CRB2: variants seen among roughly 807,000 people sequenced by gnomAD.
CRB2 encodes the protein crumbs cell polarity complex component 2.
CRB2 carries 85 observed loss-of-function variants against 110.9 expected under a neutral mutation model. That is an observed-to-expected ratio of 0.77 (90% CI 0.64 to 0.92). CRB2 has a LOEUF of 0.92. CRB2 is among the 40% of genes least tolerant of loss of function. The pLI is 0.00. For missense variants in CRB2, 1,843 were observed against 1,851.3 expected (o/e 1.00, Z 0.08); for synonymous variants, 907 against 831.0 (o/e 1.09, Z -1.57).
rs778777169 is a variant in CRB2 at position 123,367,617 on chromosome 9, T to C, written c.985T>C (p.Cys329Arg). 3.2e-6 allele frequency: 5 copies of C among 1,569,634 alleles called. No homozygotes were observed. The highest frequency in any genetic ancestry group is 1.2e-5 in the South Asian group (1 of 85,122). The change falls in exon 6 of 13, where the codon TGC becomes CGC. Residue 329 changes from cysteine to arginine, a missense_variant. Cys to Arg is a radical substitution (Grantham distance 180). Transcript: ENST00000373631. ...VEVDECASRP[C>R]LNGGHCQDLP... ...GGTGGACGAGTGTGCCTCACGGCCATGCCTCAACGGAGGCCACTGCCAGGA... is the reference window on the plus strand; with the variant it reads ...GGTGGACGAGTGTGCCTCACGGCCACGCCTCAACGGAGGCCACTGCCAGGA...
intron 1 of CRB2, among the ~76,000 whole-genome samples, chr9:123,357,684 C>T (rs953443437): frequency 6.6e-5 from 10 of 152,086 alleles, no homozygotes; most frequent in Admixed American, 1.3e-4. Flanking sequence ...CGTGAGATCC[C>T]GGTCTGTGGA....
upstream of CRB2, among the ~76,000 whole-genome samples, chr9:123,355,199 A>G (rs929419243): frequency 5.9e-5 from 9 of 152,304 alleles, 1 homozygote; most frequent in Admixed American, 3.3e-4. Context: ...GGCTTCCTGA[A>G]CCAGGTCCCC....
In CRB2 at chr9:123,374,626, A is replaced by G. The variant is rs906020773; in HGVS notation, c.3437A>G (p.Asp1146Gly). ...TGCAGCCTGAATGTCACCTGCCTCG[A>G]TGGCAGCCCATGTGAGGGTGGCTCT... The part of the protein sequence containing the change: ...KECSLNVTCL[D>G]GSPCEGGSPA... Residue 1146 changes from aspartate to glycine, a missense_variant, in exon 11 of 13, where the codon GAT (aspartate) becomes GGT (glycine). By Grantham distance (94) the Asp-to-Gly change is moderately conservative (BLOSUM62 -1). Coordinates refer to ENST00000373631, the MANE Select transcript of CRB2 (RefSeq NM_173689.7). The G allele has an allele frequency of 1.8e-5, 29 of 1,613,224 alleles. No homozygotes were observed. The highest frequency in any genetic ancestry group is 2.5e-5 in the Non-Finnish European group (29 of 1,179,966).
intron 12 of CRB2, among the ~76,000 whole-genome samples, chr9:123,375,928 G>A (rs925862899): frequency 6.6e-6 from 1 of 152,196 alleles, no homozygotes; most frequent in Non-Finnish European, 1.5e-5. Context: ...GGGTGCTGGC[G>A]AGGAGAGGCT....
At chr9:123,358,250 T>C (rs906383072) in intron 1 of CRB2, among the ~76,000 whole-genome samples, 7 of 152,320 alleles carry the variant, frequency 4.6e-5, no homozygotes, top group Admixed American at 3.3e-4. Context: ...GGCCCTGAGC[T>C]GGGCCTCTCC....
chr9:123,374,846 G>A (rs769892838), intron 11 of CRB2, 151 bp downstream of exon 11: 72 of 635,052 alleles, frequency 1.1e-4, no homozygotes, highest in Admixed American at 4.5e-4. Context: ...TCCATGACTC[G>A]CAAGACCATC....
rs200968041 is a variant in CRB2, at chr9:123,370,172, C to T, written c.1119C>T (p.Cys373=). The T allele has an allele frequency of 2.1e-5, 34 of 1,611,508 alleles. No homozygotes were observed. Among genetic ancestry groups the T allele is most frequent in the East Asian group, 6.7e-5 (3 of 44,826 alleles). Reference sequence around the variant, plus strand: ...ATCCCTGCCTGCACGGCGGAACCTGCAGTGACACTGTGGCAGGCTATATCT... The same window carrying T: ...ATCCCTGCCTGCACGGCGGAACCTGTAGTGACACTGTGGCAGGCTATATCT... ...LSDPCLHGGT[C]SDTVAGYICR... The change falls in exon 7 of 13, where the codon TGC becomes TGT. Residue 373 remains cysteine (C), a synonymous_variant. Coordinates refer to ENST00000373631, the MANE Select transcript of CRB2 (RefSeq NM_173689.7).
Position 123,373,850 on chromosome 9 carries a change from CGCT to C in CRB2, c.3321_3323del (p.Cys1108del). On this transcript the variant is annotated inframe_deletion, in exon 10 of 13. Coordinates refer to ENST00000373631, the MANE Select transcript of CRB2 (RefSeq NM_173689.7). ...TCACTCCGCCCCCTGCGCCCGTGGC[CGCT>C]GTCACACGCACCCCGACGGCCGCTT... The C allele has an allele frequency of 6.4e-7, 1 of 1,560,256 alleles. No homozygotes were observed. Among genetic ancestry groups the C allele is most frequent in the East Asian group, 2.4e-5 (1 of 41,984 alleles).
intron 1 of CRB2, among the ~76,000 whole-genome samples, chr9:123,359,514 T>TCATAGC (rs1286818090): frequency 7.1e-6 from 1 of 140,012 alleles, no homozygotes; most frequent in African/African-American, 2.8e-5. Context: ...AGTGGCAAAA[T>TCATAGC]CATAGCCCAC....
In CRB2 at chr9:123,373,778, G is replaced by T; in HGVS notation, c.3247G>T (p.Gly1083Cys). The T allele has an allele frequency of 6.3e-7, 1 of 1,590,582 alleles. No individual in the cohort carries two copies. ...CTTCGACGCCTTTGCCTGCGCCTGC[G>T]GCCCGGGGTGGGAAGGCCCGCGCTG... is the stretch of plus-strand genomic sequence containing the variant. ...DLFDAFACAC[G>C]PGWEGPRCEA... Residue 1083 changes from glycine to cysteine, a missense_variant, in exon 10 of 13, where the codon GGC becomes TGC. By Grantham distance (159) the Gly-to-Cys change is radical. Coordinates refer to ENST00000373631, the MANE Select transcript of CRB2 (RefSeq NM_173689.7).
intron 4 of CRB2, 74 bp downstream of exon 4, chr9:123,366,440 C>T (rs1250598175): frequency 2.4e-5 from 35 of 1,463,254 alleles, no homozygotes; most frequent in Middle Eastern, 2.4e-4. Context: ...GGCGGTGGGG[C>T]AGGTGTGTGG....
intron 12 of CRB2, 60 bp from the exon 13 acceptor site, chr9:123,376,778 A>C: frequency 6.9e-7 from 1 of 1,454,632 alleles, no homozygotes; most frequent in Non-Finnish European, 9.4e-7. Flanking sequence ...CTGCTCTCTG[A>C]GGGCCCCGGC....
intron 2 of CRB2, among the ~76,000 whole-genome samples, chr9:123,364,860 T>C (rs559614777): frequency 1.3e-5 from 2 of 152,294 alleles, no homozygotes; most frequent in South Asian, 4.1e-4. Context: ...GACTTGGTAC[T>C]TTCAGTTCTA....
At chr9:123,376,136 G>A (rs1254748903) in intron 12 of CRB2, among the ~76,000 whole-genome samples, 1 of 152,186 alleles carries the variant, frequency 6.6e-6, no homozygotes, top group Non-Finnish European at 1.5e-5. Flanking sequence ...AATGTCCAAC[G>A]GTGGAGGCTG....
At position 123,370,583 on chromosome 9, in the gene CRB2, G is replaced by A. The variant is rs1258290064; in HGVS notation, c.1530G>A (p.Pro510=). ...CCACTGTGCTTGTCCTGAGACTGCC[G>A]GACCTGGCCCTAAACGATGGCCATT... is the stretch of plus-strand genomic sequence containing the variant. The part of the protein sequence containing the change: ...YSTTVLVLRL[P]DLALNDGHWH... Residue 510 remains proline, a synonymous_variant, in exon 7 of 13, where the codon CCG becomes CCA. Transcript: ENST00000373631. The A allele has an allele frequency of 3.7e-6, 6 of 1,613,170 alleles. No individual in the cohort carries two copies. The South Asian group carries it at 4.4e-5, about 12-fold the overall frequency.
At chr9:123,376,735 A>C in intron 12 of CRB2, 103 bp from the exon 13 acceptor site, 1 of 1,137,514 alleles carries the variant, frequency 8.8e-7, no homozygotes, top group Non-Finnish European at 1.2e-6. Context: ...CCCAGCTCTG[A>C]TTTTCTCTGA....
intron 9 of CRB2, 21 bp downstream of exon 9, chr9:123,372,363 GC>G (rs1427101699): frequency 6.4e-7 from 1 of 1,568,432 alleles, no homozygotes; most frequent in Non-Finnish European, 8.6e-7. Flanking sequence ...GTCCTGGGCA[GC>G]TCCCGTGCTG....
At chr9:123,372,701 C>A (rs2042034112) in intron 9 of CRB2, among the ~76,000 whole-genome samples, 1 of 152,210 alleles carries the variant, frequency 6.6e-6, no homozygotes, top group South Asian at 2.1e-4. Context: ...CTGACTTTAT[C>A]CCAAGGACAG....
In CRB2 at chr9:123,370,482, C is replaced by T. The variant is rs146271715; in HGVS notation, c.1429C>T (p.Arg477Cys). 205 of 1,613,366 alleles carry T rather than the reference C, an allele frequency of 1.3e-4. 1 individual carries two copies. The East Asian group carries it at 1.4e-3, about 11-fold the overall frequency. The change falls in exon 7 of 13, where the codon CGC becomes TGC. Residue 477 changes from arginine to cysteine, a missense_variant. Transcript: ENST00000373631. Reference protein sequence around the residue: ...TTLPAGTLATRNDTKESLELA... With the variant: ...TTLPAGTLATCNDTKESLELA... ...ACTGCCCGCTGGGACCTTGGCCACT[C>T]GCAATGACACCAAGGAAAGCTTGGA...
Sources: gnomAD v4.1 joint callset for allele counts (sites outside exome capture counted in the v4.1 genomes callset) on GRCh38, gnomAD v4.1.1 for gene constraint, MANE v1.5 for transcripts, NCBI Gene and HGNC (gene_info 2026-07-23, HGNC 2026-07-21) for gene names.